The following WDR93 variants were observed in gnomAD, a reference collection of about 807,000 sequenced individuals.
WDR93 encodes the protein WD repeat-containing protein 93.
Under a neutral mutation model 82.9 loss-of-function variants are expected in WDR93, and 73 were observed. That is an observed-to-expected ratio of 0.88 (90% CI 0.73 to 1.07). The LOEUF (loss-of-function observed/expected upper bound fraction) is 1.07. WDR93 is among the 50% of genes least tolerant of loss of function. The probability of loss-of-function intolerance (pLI) is 0.00; values close to 1 mark genes in which losing one functional copy is unlikely to be tolerated. For missense variants in WDR93, 738 were observed against 826.0 expected (o/e 0.89, Z 1.31); for synonymous variants, 283 against 300.1 (o/e 0.94, Z 0.59).
chr15:89,743,166 A>G, intron 16 of WDR93, 126 bp from the exon 17 acceptor site: 1 of 853,606 alleles, frequency 1.2e-6, no homozygotes, highest in Non-Finnish European at 1.9e-6. Context: ...GAGGACACAG[A>G]GGCGATGCAG....
intron 4 of WDR93, among the ~76,000 whole-genome samples, chr15:89,708,844 C>T (rs1247551062): frequency 1.3e-5 from 2 of 152,228 alleles, no homozygotes; most frequent in East Asian, 1.9e-4. Context: ...CACTCACTCA[C>T]CAGCCGAATT....
intron 4 of WDR93, among the ~76,000 whole-genome samples, chr15:89,709,774 C>T (rs1485921584): frequency 6.6e-6 from 1 of 151,936 alleles, no homozygotes; most frequent in East Asian, 1.9e-4. Flanking sequence ...ACATCAAGCC[C>T]ATTTTTAGGT....
At position 89,737,430 on chromosome 15, in the gene WDR93, C is replaced by T; in HGVS notation, c.1609-143C>T. 4 of 1,118,132 alleles carry T rather than the reference C, an allele frequency of 3.6e-6. No homozygotes were observed. The South Asian group carries it at 6.0e-5, about 17-fold the overall frequency. 69.3% of individuals were successfully genotyped at this position (1,118,132 alleles called of 1,614,324 possible). Reference sequence around the variant, plus strand: ...CATGTGTGTGCAGGTCTCCAGCAGCCCTGGATGGATCCAGAGGCTGGGGCC... The same window carrying T: ...CATGTGTGTGCAGGTCTCCAGCAGCTCTGGATGGATCCAGAGGCTGGGGCC... On this transcript the variant is annotated intron_variant, in intron 14 of 16. Coordinates refer to ENST00000268130, the MANE Select transcript of WDR93 (RefSeq NM_020212.2).
In WDR93 at chr15:89,703,501, C is replaced by G. The variant is rs1024381290; in HGVS notation, c.496+359C>G. On this transcript the variant is annotated intron_variant, in intron 3 of 16. Coordinates refer to ENST00000268130, the MANE Select transcript of WDR93 (RefSeq NM_020212.2). ...CACACCCTTCCAGCACTCAGCAGTC[C>G]TCTCATACAAACCAGAGCTTGCTCT... 1.2e-5 allele frequency: 3 copies of G among 260,598 alleles called. No homozygotes were observed. In the East Asian group the frequency reaches 2.6e-4, roughly 22 times the overall value. 16.1% of individuals were successfully genotyped at this position (260,598 alleles called of 1,614,324 possible).
intron 7 of WDR93, among the ~76,000 whole-genome samples, chr15:89,717,503 T>C (rs1053560599): frequency 9.2e-5 from 14 of 152,232 alleles, no homozygotes; most frequent in Non-Finnish European, 1.9e-4. Flanking sequence ...CTGAGGACAG[T>C]TGACCCAAGT....
Position 89,737,594 on chromosome 15 carries a change from G to A in WDR93, c.1630G>A (p.Gly544Ser), listed in dbSNP as rs1307324120. 5 of 1,614,068 alleles carry A rather than the reference G, an allele frequency of 3.1e-6. No homozygotes were observed. The highest frequency in any genetic ancestry group is 4.2e-6 in the Non-Finnish European group (5 of 1,180,040). The change falls in exon 15 of 17, where the codon GGC becomes AGC. Residue 544 changes from glycine (G) to serine (S), a missense_variant. Coordinates refer to ENST00000268130, the MANE Select transcript of WDR93 (RefSeq NM_020212.2). ...CCAGGTGCTCATCTTTTCCAAGAAT[G>A]GCTCTGTGTGCCTTATGGATGTGGC... ...PGMVLIFSKN[G>S]SVCLMDVAKR...
intron 16 of WDR93, among the ~76,000 whole-genome samples, chr15:89,740,007 C>T (rs115461675): frequency 0.021 from 3,209 of 152,284 alleles, 121 homozygotes; most frequent in African/African-American, 0.074. Flanking sequence ...GCGAGTTACT[C>T]AGCCTCCTCA....
At chr15:89,691,838 G>A (rs923938278) in intron 1 of WDR93, among the ~76,000 whole-genome samples, 2 of 152,160 alleles carry the variant, frequency 1.3e-5, no homozygotes, top group East Asian at 3.9e-4. Flanking sequence ...CCAGCACACC[G>A]TATGTTTAAA....
rs1451462203 is a variant in WDR93, at chr15:89,715,000, G to C, written c.661G>C (p.Asp221His). ...LLQGAGDIWL[D>H]VYKLPKETWL... ...TGCAGGAGCCGGAGATATTTGGCTG[G>C]ATGTGTATAAATTGCCCAAGGAGAC... Residue 221 changes from aspartate to histidine, a missense_variant, in exon 6 of 17, where the codon GAT (aspartate) becomes CAT (histidine). By Grantham distance (81) the Asp-to-His change is moderately conservative (BLOSUM62 -1). Transcript: ENST00000268130. 2.5e-6 allele frequency: 4 copies of C among 1,613,892 alleles called. No homozygotes were observed. The highest frequency in any genetic ancestry group is 1.6e-4 in the Middle Eastern group (1 of 6,062).
At chr15:89,730,197 C>T (rs551613090) in intron 11 of WDR93, among the ~76,000 whole-genome samples, 25 of 152,122 alleles carry the variant, frequency 1.6e-4, no homozygotes, top group African/African-American at 3.9e-4. Context: ...TGGTGGCATG[C>T]GCCTGTAATC....
intron 7 of WDR93, among the ~76,000 whole-genome samples, chr15:89,720,169 A>G (rs1966459912): frequency 1.3e-5 from 2 of 152,202 alleles, no homozygotes; most frequent in African/African-American, 4.8e-5. Context: ...ATTTAATGCT[A>G]TACACTTGTA....
chr15:89,720,710 A>G (rs1966490540), intron 7 of WDR93, among the ~76,000 whole-genome samples: 1 of 152,204 alleles, frequency 6.6e-6, no homozygotes, highest in African/African-American at 2.4e-5. Flanking sequence ...TATATATTTG[A>G]ATCATTTTAA....
At position 89,741,383 on chromosome 15, in the gene WDR93, A is replaced by G. The variant is rs550245240; in HGVS notation, c.1962-1909A>G. ...ACTGGGGCCACAGGCATGCGCCACC[A>G]CACCCAGCTAATTTTTTTATTATCT... On this transcript the variant is annotated intron_variant, in intron 16 of 16. Transcript: ENST00000268130. Among the ~76,000 whole-genome samples the G allele has an allele frequency of 7.9e-5, 12 of 152,190 alleles. No individual in the cohort carries two copies. The South Asian group carries it at 2.3e-3, about 29-fold the overall frequency.
At chr15:89,715,302 G>A (rs1386931278) in intron 6 of WDR93, among the ~76,000 whole-genome samples, 1 of 152,172 alleles carries the variant, frequency 6.6e-6, no homozygotes, top group Non-Finnish European at 1.5e-5. Context: ...GGGAATCGCA[G>A]TATCTCTAGT....
In WDR93 at chr15:89,727,344, C is replaced by G; in HGVS notation, c.1052+16C>G. ...AGCCACTCAGGTGAGCCTCCTAATC[C>G]CGGGAAAGCCAGGGAGCATCCCCAG... On this transcript the variant is annotated intron_variant, in intron 9 of 16. Transcript: ENST00000268130. 1 of 1,612,088 alleles carries G rather than the reference C, an allele frequency of 6.2e-7. No individual in the cohort carries two copies. The highest frequency in any genetic ancestry group is 8.5e-7 in the Non-Finnish European group (1 of 1,179,362).
rs765200391 is a variant in WDR93 at position 89,701,785 on chromosome 15, G to A, written c.39G>A (p.Lys13=). 3.8e-5 allele frequency: 61 copies of A among 1,613,174 alleles called. 1 individual carries two copies. The South Asian group carries it at 6.7e-4, about 18-fold the overall frequency. ...GAGGAAGTCAGACCCAGAAAATAAA[G>A]CACCCCATTGGTACACGAAAGGGAC... The part of the protein sequence containing the change: ...FPRGSQTQKI[K]HPIGTRKGPL... The change falls in exon 2 of 17, where the codon AAG becomes AAA. Residue 13 remains lysine (K), a synonymous_variant. Coordinates refer to ENST00000268130, the MANE Select transcript of WDR93 (RefSeq NM_020212.2).
intron 1 of WDR93, among the ~76,000 whole-genome samples, chr15:89,693,173 TA>T (rs1240799748): frequency 6.6e-6 from 1 of 152,218 alleles, no homozygotes; most frequent in Non-Finnish European, 1.5e-5. Context: ...TATAAATATT[TA>T]AGTACAGATT....
chr15:89,725,918 CATTAAGGTAT>C (rs2141674215), intron 8 of WDR93, among the ~76,000 whole-genome samples: 1 of 152,174 alleles, frequency 6.6e-6, no homozygotes, highest in Admixed American at 6.5e-5. Flanking sequence ...TATAATAACT[CATTAAGGTAT>C]ATTAAGGTAT....
intron 4 of WDR93, among the ~76,000 whole-genome samples, chr15:89,708,190 G>A (rs546492878): frequency 6.6e-6 from 1 of 152,160 alleles, no homozygotes; most frequent in Non-Finnish European, 1.5e-5. Flanking sequence ...CTTGATTGTG[G>A]TGTTGGTTTC....
Sources: allele counts gnomAD v4.1 joint callset (sites outside exome capture counted in the v4.1 genomes callset), GRCh38; gene constraint gnomAD v4.1.1; transcripts MANE v1.5; gene names NCBI Gene and HGNC (gene_info 2026-07-23, HGNC 2026-07-21).